The following CNTNAP5 variants were observed in gnomAD, a reference collection of about 807,000 sequenced individuals.
CNTNAP5 encodes contactin-associated protein-like 5.
In CNTNAP5, 72 loss-of-function variants were observed where a neutral mutation model predicts 150.2. That is an observed-to-expected ratio of 0.48 (90% CI 0.40 to 0.58). CNTNAP5 has a LOEUF of 0.58. Among genes scored for constraint, CNTNAP5 ranks in the 20% least tolerant of loss-of-function variants. CNTNAP5 has a pLI of 0.00. For synonymous variants in CNTNAP5, 672 were observed against 619.8 expected, an observed-to-expected ratio of 1.08 and a Z score of -1.25; for missense variants, 1,636 against 1,626.2, an observed-to-expected ratio of 1.01 and a Z score of -0.10.
chr2:124,208,790 T>A (rs1038741105), intron 1 of CNTNAP5, among the ~76,000 whole-genome samples: 1 of 152,156 alleles, frequency 6.6e-6, no homozygotes, highest in Non-Finnish European at 1.5e-5. Flanking sequence ...AACAATAGGA[T>A]TTCAATTTAT....
At chr2:124,742,989 C>A (rs942268935) in intron 13 of CNTNAP5, among the ~76,000 whole-genome samples, 1 of 152,112 alleles carries the variant, frequency 6.6e-6, no homozygotes, top group Non-Finnish European at 1.5e-5. Context: ...GAGCCCCAGG[C>A]CCCGGAAGCA....
chr2:124,308,734 A>C (rs757264936), intron 3 of CNTNAP5, among the ~76,000 whole-genome samples: 43 of 152,346 alleles, frequency 2.8e-4, no homozygotes, highest in Non-Finnish European at 4.0e-4. Context: ...AAATATATAA[A>C]TAAATATAAA....
intron 12 of CNTNAP5, among the ~76,000 whole-genome samples, chr2:124,635,857 A>T (rs1224694196): frequency 1.3e-5 from 2 of 152,178 alleles, no homozygotes; most frequent in Admixed American, 1.3e-4. Context: ...AGGAACACCA[A>T]TCAGCCTGCA....
Position 124,602,274 on chromosome 2 carries a change from G to A in CNTNAP5, c.1757-7527G>A, listed in dbSNP as rs187439424. ...GGAGAATAGCTTGAACCAGGAAGTC[G>A]GAGGTTGTAGTGAGCCAAGATCATG... On this transcript the variant is annotated intron_variant, in intron 11 of 23. Transcript: ENST00000682447. Among the ~76,000 whole-genome samples, 404 of 149,380 alleles carry A rather than the reference G, an allele frequency of 2.7e-3. 2 individuals are homozygous for A. The highest frequency in any genetic ancestry group is 9.5e-3 in the African/African-American group (382 of 40,412).
chr2:124,336,984 C>T (rs1384145939), intron 3 of CNTNAP5, among the ~76,000 whole-genome samples: 2 of 152,130 alleles, frequency 1.3e-5, no homozygotes, highest in East Asian at 3.9e-4. Flanking sequence ...AGTTTACAGT[C>T]CCACCAACAG....
chr2:124,663,818 A>G (rs536022344), intron 13 of CNTNAP5, among the ~76,000 whole-genome samples: 1 of 152,300 alleles, frequency 6.6e-6, no homozygotes, highest in Admixed American at 6.5e-5. Context: ...GCTATTTAAA[A>G]TAGCAACATT....
At chr2:124,250,915 C>T (rs1444578721) in intron 3 of CNTNAP5, among the ~76,000 whole-genome samples, 2 of 151,908 alleles carry the variant, frequency 1.3e-5, no homozygotes, top group African/African-American at 4.8e-5. Context: ...TTCTACTACT[C>T]TTAAGTACGG....
At chr2:124,089,663 T>A (rs1039795308) in intron 1 of CNTNAP5, among the ~76,000 whole-genome samples, 1 of 152,244 alleles carries the variant, frequency 6.6e-6, no homozygotes, top group Non-Finnish European at 1.5e-5. Context: ...GAAAATTATT[T>A]GATTTACAGA....
In CNTNAP5 at chr2:124,104,575, C is replaced by T. The variant is rs1683134128; in HGVS notation, c.82+78843C>T. Among the ~76,000 whole-genome samples, 4 of 152,160 alleles carry T rather than the reference C, an allele frequency of 2.6e-5. No individual in the cohort carries two copies. In the South Asian group the frequency reaches 8.3e-4, roughly 32 times the overall value. On this transcript the variant is annotated intron_variant, in intron 1 of 23. Transcript: ENST00000682447. ...GGTAAGTTTGCTAATGATTTCCCGA[C>T]TGTCAAATCCAATGAACATTTTTTA... is the stretch of plus-strand genomic sequence containing the variant.
intron 10 of CNTNAP5, among the ~76,000 whole-genome samples, chr2:124,550,948 T>A (rs961413657): frequency 6.6e-6 from 1 of 152,174 alleles, no homozygotes; most frequent in Non-Finnish European, 1.5e-5. Context: ...GTATGCATGA[T>A]GCTGATACAT....
intron 21 of CNTNAP5, among the ~76,000 whole-genome samples, chr2:124,899,900 A>T (rs1181306377): frequency 2.0e-5 from 3 of 151,460 alleles, no homozygotes; most frequent in African/African-American, 7.4e-5. Context: ...AACCAAAATA[A>T]CTTGTGCTTT....
chr2:124,251,092 C>T (rs1687161746), intron 3 of CNTNAP5, among the ~76,000 whole-genome samples: 1 of 152,110 alleles, frequency 6.6e-6, no homozygotes, highest in African/African-American at 2.4e-5. Context: ...ATATGAGAGG[C>T]ACATTTCCTA....
At chr2:124,088,497 G>A (rs1371059291) in intron 1 of CNTNAP5, among the ~76,000 whole-genome samples, 1 of 150,892 alleles carries the variant, frequency 6.6e-6, no homozygotes, top group Admixed American at 6.6e-5. Context: ...AATATGATGA[G>A]TAATTTTGAA....
chr2:124,344,676 G>A (rs540636890), intron 3 of CNTNAP5, among the ~76,000 whole-genome samples: 191 of 152,142 alleles, frequency 1.3e-3, no homozygotes, highest in African/African-American at 4.4e-3. Context: ...GGATCTCTTG[G>A]GCCCAGAAGT....
chr2:124,395,594 G>T (rs1415472579), intron 3 of CNTNAP5, among the ~76,000 whole-genome samples: 1 of 152,062 alleles, frequency 6.6e-6, no homozygotes, highest in East Asian at 1.9e-4. Flanking sequence ...TGTGGAACTA[G>T]CAATAACAGT....
rs1171362907 is a variant in CNTNAP5, at chr2:124,563,252, G to C, written c.1685G>C (p.Cys562Ser). Residue 562 changes from cysteine (C) to serine (S), a missense_variant, in exon 11 of 24, where the codon TGC (cysteine) becomes TCC (serine). By Grantham distance (112) the Cys-to-Ser change is moderately radical. Transcript: ENST00000682447. ...LPNYCEHGGS[C>S]SQSWTTFYCN... Reference sequence around the variant, plus strand: ...AACTACTGTGAACATGGAGGAAGCTGCTCCCAGTCCTGGACTACCTTCTAT... The same window carrying C: ...AACTACTGTGAACATGGAGGAAGCTCCTCCCAGTCCTGGACTACCTTCTAT... The C allele has an allele frequency of 6.3e-7, 1 of 1,594,234 alleles. No homozygotes were observed. The highest frequency in any genetic ancestry group is 8.6e-7 in the Non-Finnish European group (1 of 1,169,574).
intron 2 of CNTNAP5, among the ~76,000 whole-genome samples, chr2:124,235,107 T>A (rs1220706834): frequency 6.6e-6 from 1 of 152,122 alleles, no homozygotes; most frequent in Non-Finnish European, 1.5e-5. Flanking sequence ...CAAGGTTCCT[T>A]CAGATGCCAC....
Position 124,747,167 on chromosome 2 carries a change from G to A in CNTNAP5, c.2078-62G>A, listed in dbSNP as rs1680620035. 15 of 1,528,666 alleles carry A rather than the reference G, an allele frequency of 9.8e-6. No homozygotes were observed. The Middle Eastern group carries it at 5.1e-4, about 52-fold the overall frequency. The allele number at this position is 1,528,666 out of a possible 1,614,324, so 94.7% of individuals were successfully genotyped here. ...AAGATATTTTCAGCTCAGTTTCTGT[G>A]CCATCCCCTGTGTTACTTCAGGCTT... is the stretch of plus-strand genomic sequence containing the variant. On this transcript the variant is annotated intron_variant, in intron 13 of 23. Coordinates refer to ENST00000682447, the MANE Select transcript of CNTNAP5 (RefSeq NM_001367498.1).
At chr2:124,438,359 G>T (rs1400972391) in intron 5 of CNTNAP5, among the ~76,000 whole-genome samples, 1 of 152,152 alleles carries the variant, frequency 6.6e-6, no homozygotes, top group Non-Finnish European at 1.5e-5. Context: ...CATTCATGCA[G>T]GTAGAGAATC....
Sources: gnomAD v4.1 joint callset for allele counts (sites outside exome capture counted in the v4.1 genomes callset) on GRCh38, gnomAD v4.1.1 for gene constraint, MANE v1.5 for transcripts, NCBI Gene and HGNC (gene_info 2026-07-23, HGNC 2026-07-21) for gene names.